GALNT9: variants seen among roughly 807,000 people sequenced by gnomAD.
GALNT9 encodes GalNAc transferase 9.
A neutral mutation model predicts 63.1 loss-of-function variants in GALNT9; 47 were observed. The ratio of observed to expected loss-of-function variants is 0.75; its 90% CI spans 0.59 to 0.95. GALNT9 has a LOEUF of 0.95. Among genes scored for constraint, GALNT9 ranks in the 40% least tolerant of loss-of-function variants. The pLI is 0.00. For missense variants in GALNT9, 829 were observed against 874.8 expected (o/e 0.95, Z 0.66); for synonymous variants, 396 against 365.7 (o/e 1.08, Z -0.94).
chr12:132,260,356 G>A (rs1555239605), intron 4 of GALNT9, among the ~76,000 whole-genome samples: 1 of 152,192 alleles, frequency 6.6e-6, no homozygotes, highest in African/African-American at 2.4e-5. Context: ...CGGTGAGGAG[G>A]TGAAGTCTTG....
chr12:132,324,728 C>G (rs1001757379), intron 1 of GALNT9, among the ~76,000 whole-genome samples: 28 of 152,168 alleles, frequency 1.8e-4, no homozygotes, highest in African/African-American at 6.3e-4. Context: ...CATTCTCCCC[C>G]CACCGCCCCT....
intron 8 of GALNT9, chr12:132,200,882 G>A (rs990211755): frequency 6.0e-5 from 32 of 531,302 alleles, no homozygotes; most frequent in Non-Finnish European, 1.1e-4. Context: ...GTCTGCAGGT[G>A]CGTGTGTTTA....
At chr12:132,285,416 C>T (rs528270050) in intron 2 of GALNT9, among the ~76,000 whole-genome samples, 1 of 152,252 alleles carries the variant, frequency 6.6e-6, no homozygotes, top group Non-Finnish European at 1.5e-5. Flanking sequence ...AGCAACAATG[C>T]CAATTAATCT....
chr12:132,248,909 C>T (rs542116024), intron 5 of GALNT9, among the ~76,000 whole-genome samples: 15 of 152,232 alleles, frequency 9.9e-5, no homozygotes, highest in Admixed American at 7.2e-4. Flanking sequence ...AGGCAGGATC[C>T]GCGGAGCAGT....
intron 6 of GALNT9, among the ~76,000 whole-genome samples, chr12:132,220,855 G>A (rs112731492): frequency 2.0e-5 from 3 of 151,956 alleles, no homozygotes; most frequent in East Asian, 1.9e-4. Context: ...TGAGGAGTTC[G>A]AGACCAGCCT....
At chr12:132,201,450 C>T (rs886857387) in intron 7 of GALNT9, among the ~76,000 whole-genome samples, 189 bp from the exon 8 acceptor site, 4 of 152,016 alleles carry the variant, frequency 2.6e-5, no homozygotes, top group African/African-American at 9.7e-5. Flanking sequence ...GGGTCTGAGG[C>T]AGCTGCTCCT....
Position 132,329,132 on chromosome 12 carries a change from G to C in GALNT9, c.72C>G (p.Phe24Leu). Residue 24 changes from phenylalanine to leucine, a missense_variant, in exon 1 of 11, where the codon TTC (phenylalanine) becomes TTG (leucine). Transcript: ENST00000328957. Reference protein sequence around the residue: ...NILVFVGIVLFSVYCRLQGRS... With the variant: ...NILVFVGIVLLSVYCRLQGRS... The stretch of plus-strand genomic sequence containing the variant: ...GGCCCTGCAGGCGGCAGTACACGGA[G>C]AACAGGACGATGCCCACGAACACCA... The C allele has an allele frequency of 1.3e-6, 2 of 1,549,616 alleles. No homozygotes were observed. The highest frequency in any genetic ancestry group is 3.3e-4 in the Middle Eastern group (2 of 5,990).
chr12:132,206,882 T>G (rs116325923), intron 6 of GALNT9, among the ~76,000 whole-genome samples: 4,900 of 151,632 alleles, frequency 0.032, 249 homozygotes, highest in African/African-American at 0.11. Context: ...CTGGGCAACA[T>G]AGTGAGACAC....
intron 1 of GALNT9, among the ~76,000 whole-genome samples, chr12:132,302,878 C>T (rs542527631): frequency 4.6e-5 from 7 of 152,030 alleles, no homozygotes; most frequent in South Asian, 2.1e-4. Flanking sequence ...GAAGTGGGAG[C>T]GCAGAGGAGC....
rs1279167587 is a variant in GALNT9, at chr12:132,240,821, G to A, written c.1077+7089C>T. 5 of 414,256 alleles carry A rather than the reference G, an allele frequency of 1.2e-5. No homozygotes were observed. The East Asian group carries it at 2.9e-4, about 24-fold the overall frequency. 25.7% of individuals were successfully genotyped at this position (414,256 alleles called of 1,614,324 possible). ...ACACATGCCACACACCCTTCCCAAG[G>A]CCGTCCCTATACCCATTACACACAC... is the stretch of plus-strand genomic sequence containing the variant. On this transcript the variant is annotated intron_variant, in intron 6 of 10. Transcript: ENST00000328957.
At chr12:132,198,568 C>T (rs971184471) in intron 9 of GALNT9, among the ~76,000 whole-genome samples, 12 of 152,278 alleles carry the variant, frequency 7.9e-5, no homozygotes, top group South Asian at 2.1e-4. Context: ...TTCAATCACG[C>T]GACAGTCCTG....
chr12:132,322,154 G>A (rs868943090), intron 1 of GALNT9, among the ~76,000 whole-genome samples: 11 of 152,314 alleles, frequency 7.2e-5, no homozygotes, highest in African/African-American at 1.7e-4. Context: ...CCAGGTGGAC[G>A]TGAGCTTCCG....
chr12:132,210,927 G>A (rs1173436784), intron 6 of GALNT9, among the ~76,000 whole-genome samples: 2 of 151,942 alleles, frequency 1.3e-5, no homozygotes, highest in Non-Finnish European at 2.9e-5. Context: ...TCGGCTGCCG[G>A]CCTGACTCAC....
chr12:132,294,118 C>G (rs541557916), intron 1 of GALNT9, among the ~76,000 whole-genome samples: 50 of 152,342 alleles, frequency 3.3e-4, no homozygotes, highest in African/African-American at 1.1e-3. Context: ...TCCTGGTGAC[C>G]ACTATGGACA....
rs1436422403 is a variant in GALNT9 at position 132,197,784 on chromosome 12, A to G, written c.1665+8T>C. 6.8e-7 allele frequency: 1 copy of G among 1,472,126 alleles called. No individual in the cohort carries two copies. Among genetic ancestry groups the G allele is most frequent in the Admixed American group, 1.9e-5 (1 of 52,232 alleles). The allele number at this position is 1,472,126 out of a possible 1,614,324, so 91.2% of individuals were successfully genotyped here. The stretch of plus-strand genomic sequence containing the variant: ...CAACCCCACGGCCCCCCTTCCCCAG[A>G]GGCTGACCTGGGTGAAGTCCCACAG... On this transcript the variant is annotated splice_region_variant and intron_variant, in intron 10 of 10. Transcript: ENST00000328957.
intron 6 of GALNT9, among the ~76,000 whole-genome samples, chr12:132,243,652 T>C (rs2136905834): frequency 5.9e-5 from 9 of 152,310 alleles, no homozygotes; most frequent in Admixed American, 5.9e-4. Context: ...GCCCCCACTC[T>C]GCCTCTCAGG....
At chr12:132,217,115 T>C (rs1019157215) in intron 6 of GALNT9, among the ~76,000 whole-genome samples, 1 of 152,150 alleles carries the variant, frequency 6.6e-6, no homozygotes, top group African/African-American at 2.4e-5. Context: ...AATGACCCAC[T>C]CATCCACCCA....
chr12:132,253,507 C>G (rs1879002607), intron 5 of GALNT9, among the ~76,000 whole-genome samples: 1 of 145,910 alleles, frequency 6.9e-6, no homozygotes, highest in Non-Finnish European at 1.5e-5. Flanking sequence ...ACCCTATACC[C>G]TCAGGTTATT....
At chr12:132,250,045 G>GCCTCCATGTAT (rs1332971198) in intron 5 of GALNT9, among the ~76,000 whole-genome samples, 1 of 152,246 alleles carries the variant, frequency 6.6e-6, no homozygotes, top group Non-Finnish European at 1.5e-5. Flanking sequence ...CAGCCCAGCA[G>GCCTCCATGTAT]CCACGGAGGG....
Sources: allele counts gnomAD v4.1 joint callset (sites outside exome capture counted in the v4.1 genomes callset), GRCh38; gene constraint gnomAD v4.1.1; transcripts MANE v1.5; gene names NCBI Gene and HGNC (gene_info 2026-07-23, HGNC 2026-07-21).